Variants in LMO7 observed in about 807,000 individuals in gnomAD.
LMO7 encodes LIM domain only protein 7.
In LMO7, 120 loss-of-function variants were observed where a neutral mutation model predicts 206.5. The observed-to-expected ratio is 0.58, with a 90% CI of 0.50 to 0.68. LMO7 has a LOEUF of 0.68. Ranked by LOEUF, LMO7 falls within the 30% of genes least tolerant of loss-of-function variation. The probability of loss-of-function intolerance (pLI) is 0.00; values close to 1 mark genes in which losing one functional copy is unlikely to be tolerated. For missense variants in LMO7, 1,959 were observed against 1,957.9 expected (o/e 1.00, Z -0.01); for synonymous variants, 706 against 681.5 (o/e 1.04, Z -0.56).
chr13:75,790,633 G>A lies in LMO7; in HGVS notation c.318-4768G>A, dbSNP rs144415990. On this transcript the variant is annotated intron_variant, in intron 4 of 30. Transcript: ENST00000377534. ...TTAAAACCTTTGAGTAAAGAAAAGA[G>A]GATCAGACCTAGAGCTTCCTGGTTC... 2.1e-3 allele frequency among the ~76,000 whole-genome samples: 325 copies of A among 152,256 alleles called. 3 individuals are homozygous for A. The highest frequency in any genetic ancestry group is 3.1e-3 in the Admixed American group (47 of 15,304).
intron 1 of LMO7, among the ~76,000 whole-genome samples, chr13:75,650,583 T>G (rs1419103211): frequency 1.3e-5 from 2 of 152,206 alleles, no homozygotes; most frequent in Non-Finnish European, 2.9e-5. Context: ...GGAAAAAAAT[T>G]TCCTGTGTAT....
rs772259270 is a variant in LMO7, at chr13:75,809,194, T to C, written c.1946+11T>C. ...TTATGGTGAGAATGGGTAAGTTGTG[T>C]GGTTCACAGTAAAAAATCTGTGCGT... is the stretch of plus-strand genomic sequence containing the variant. On this transcript the variant is annotated intron_variant, in intron 11 of 30. Transcript: ENST00000377534. 1.2e-6 allele frequency: 2 copies of C among 1,609,664 alleles called. No individual in the cohort carries two copies. The highest frequency in any genetic ancestry group is 1.7e-6 in the Non-Finnish European group (2 of 1,176,466).
chr13:75,627,867 A>G (rs903884317), intron 2 of LMO7: 1 of 152,018 alleles, frequency 6.6e-6, no homozygotes, highest in African/African-American at 2.4e-5. Flanking sequence ...TGGTTTTGCA[A>G]TTCTAGCTAG....
At position 75,678,867 on chromosome 13, in the gene LMO7, C is replaced by T. The variant is rs1212451829; in HGVS notation, c.70-34315C>T. ...GAATTTAATTTCTTTCTTGTCTTTC[C>T]AGCTAGGTGAAACTGTTCATGACAG... On this transcript the variant is annotated intron_variant, in intron 1 of 30. Transcript: ENST00000377534. 2.6e-5 allele frequency among the ~76,000 whole-genome samples: 4 copies of T among 152,024 alleles called. No homozygotes were observed. The East Asian group carries it at 7.7e-4, about 29-fold the overall frequency.
intron 3 of LMO7, among the ~76,000 whole-genome samples, chr13:75,737,782 T>TAAAA (rs71127577): frequency 5.5e-5 from 2 of 36,342 alleles, no homozygotes; most frequent in African/African-American, 3.1e-4. Flanking sequence ...TAAAATAAAA[T>TAAAA]AAAAAAAAAA....
At chr13:75,702,958 G>A (rs891272680) in intron 1 of LMO7, among the ~76,000 whole-genome samples, 1 of 152,192 alleles carries the variant, frequency 6.6e-6, no homozygotes, top group Admixed American at 6.5e-5. Context: ...AACTTTGAAG[G>A]TTTCATCCAA....
At position 75,761,269 on chromosome 13, in the gene LMO7, C is replaced by T. The variant is rs575658989; in HGVS notation, c.317+231C>T. On this transcript the variant is annotated intron_variant, in intron 4 of 30. Transcript: ENST00000377534. ...ATAGTCTTACTATAAATCTCTATAC[C>T]GACAAAAATGGTAGTGTTAATATTT... 9.9e-5 allele frequency among the ~76,000 whole-genome samples: 15 copies of T among 152,026 alleles called. No homozygotes were observed. In the South Asian group the frequency reaches 1.5e-3, roughly 15 times the overall value.
chr13:75,656,915 A>G (rs1225139543), intron 1 of LMO7, among the ~76,000 whole-genome samples: 2 of 152,148 alleles, frequency 1.3e-5, no homozygotes, highest in Non-Finnish European at 2.9e-5. Flanking sequence ...CCACAAAAAG[A>G]TATGTTGAAA....
intron 3 of LMO7, among the ~76,000 whole-genome samples, chr13:75,747,170 C>T (rs976938926): frequency 3.9e-5 from 6 of 152,044 alleles, no homozygotes; most frequent in African/African-American, 1.4e-4. Flanking sequence ...AAATCAGTTA[C>T]GTGAGTTGAG....
Position 75,741,286 on chromosome 13 carries a change from G to A in LMO7, c.210+14188G>A, listed in dbSNP as rs754959458. ...AAAACAAAACACCAATAACAAAAAC[G>A]GAGTATTTTTTTCTTCCAAATAAAG... On this transcript the variant is annotated intron_variant, in intron 3 of 30. Transcript: ENST00000377534. 3.7e-4 allele frequency among the ~76,000 whole-genome samples: 56 copies of A among 152,184 alleles called. No homozygotes were observed. In the South Asian group the frequency reaches 4.4e-3, roughly 12 times the overall value.
intron 19 of LMO7, among the ~76,000 whole-genome samples, chr13:75,837,841 C>T (rs149258741): frequency 2.0e-5 from 3 of 152,160 alleles, no homozygotes; most frequent in Non-Finnish European, 2.9e-5. Flanking sequence ...TTCCCTAAAA[C>T]GGCGTGATCT....
intron 1 of LMO7, among the ~76,000 whole-genome samples, chr13:75,707,276 T>C (rs1048019506): frequency 6.6e-6 from 1 of 152,058 alleles, no homozygotes; most frequent in Non-Finnish European, 1.5e-5. Context: ...TGTTTACTTA[T>C]GATACATTCT....
Position 75,857,935 on chromosome 13 carries a change from G to A in LMO7, c.4888G>A (p.Ala1630Thr), listed in dbSNP as rs372811162. Reference protein sequence around the residue: ...YLRFKSGRPTAM With the variant: ...YLRFKSGRPTTM ...TGCCCGATCAGCTGGACGGCCAACC[G>A]CCATGTGATGTAAGCCTCCATACGA... is the stretch of plus-strand genomic sequence containing the variant. The change falls in exon 31 of 31, where the codon GCC becomes ACC. Residue 1630 changes from alanine (A) to threonine (T), a missense_variant. By Grantham distance (58) the Ala-to-Thr change is moderately conservative. Coordinates refer to ENST00000377534, the MANE Select transcript of LMO7 (RefSeq NM_001306080.2). 193 of 1,602,110 alleles carry A rather than the reference G, an allele frequency of 1.2e-4. 1 individual carries two copies. Among genetic ancestry groups the A allele is most frequent in the Middle Eastern group, 1.7e-4 (1 of 6,052 alleles).
At chr13:75,701,859 A>G (rs1013212521) in intron 1 of LMO7, among the ~76,000 whole-genome samples, 17 of 152,170 alleles carry the variant, frequency 1.1e-4, no homozygotes, top group African/African-American at 4.1e-4. Context: ...CTGGCCCCTA[A>G]TAGGACTCAG....
At chr13:75,656,500 C>T (rs188394204) in intron 1 of LMO7, among the ~76,000 whole-genome samples, 2 of 152,116 alleles carry the variant, frequency 1.3e-5, no homozygotes, top group Non-Finnish European at 2.9e-5. Context: ...AAAATTGTTT[C>T]TACATTTAAA....
intron 1 of LMO7, among the ~76,000 whole-genome samples, chr13:75,642,661 A>G (rs1293119459): frequency 2.0e-5 from 3 of 152,050 alleles, no homozygotes; most frequent in Non-Finnish European, 4.4e-5. Flanking sequence ...AGAGAAGTGG[A>G]CCCACTGGGT....
intron 3 of LMO7, among the ~76,000 whole-genome samples, chr13:75,750,720 G>A (rs1374667069): frequency 6.6e-6 from 1 of 152,118 alleles, no homozygotes; most frequent in Non-Finnish European, 1.5e-5. Flanking sequence ...TGCAGAGTGT[G>A]GTTCAGTAGG....
intron 2 of LMO7, among the ~76,000 whole-genome samples, chr13:75,719,653 C>T (rs9544035): frequency 0.44 from 66,842 of 152,022 alleles, 15,056 homozygotes; most frequent in East Asian, 0.61. Context: ...TTCCCCTTCA[C>T]CTTCTGCCAC....
chr13:75,719,811 A>C (rs2043870384), intron 2 of LMO7, among the ~76,000 whole-genome samples: 1 of 152,206 alleles, frequency 6.6e-6, no homozygotes. Flanking sequence ...ATCCATGTGC[A>C]GTTTTTTGTG....
Sources: gnomAD v4.1 joint callset for allele counts (sites outside exome capture counted in the v4.1 genomes callset) on GRCh38, gnomAD v4.1.1 for gene constraint, MANE v1.5 for transcripts, NCBI Gene and HGNC (gene_info 2026-07-23, HGNC 2026-07-21) for gene names.